Variants in NT5C3A observed in about 807,000 individuals in gnomAD.
NT5C3A encodes 5'-nucleotidase, cytosolic IIIA, also known as cytosolic 5'-nucleotidase 3A.
A neutral mutation model predicts 40.0 loss-of-function variants in NT5C3A; 23 were observed. The ratio of observed to expected loss-of-function variants is 0.58; its 90% confidence interval spans 0.41 to 0.81. The LOEUF (loss-of-function observed/expected upper bound fraction) is 0.81, where lower values mean the gene tolerates loss of function less well. NT5C3A is among the 40% of genes least tolerant of loss of function. The pLI, the probability that NT5C3A is intolerant of heterozygous loss-of-function variation, is 0.00. For missense variants in NT5C3A, 328 were observed against 403.0 expected, an observed-to-expected ratio of 0.81 and a Z score of 1.59; for synonymous variants, 130 against 141.4, an observed-to-expected ratio of 0.92 and a Z score of 0.57.
chr7:33,029,244 A>AT (rs11439369), intron 1 of NT5C3A: 109,093 of 153,796 alleles, frequency 0.71, 38,784 homozygotes, highest in African/African-American at 0.78. Context: ...ACTGGTTCCT[A>AT]TTTTTTTTTT....
intron 1 of NT5C3A, among the ~76,000 whole-genome samples, chr7:33,056,464 C>A (rs941473574): frequency 1.0e-5 from 1 of 98,910 alleles, no homozygotes; most frequent in Non-Finnish European, 1.8e-5. Flanking sequence ...AGTGAGACCC[C>A]GTCTCTACCA....
chr7:33,056,046 G>A (rs1008660238), intron 1 of NT5C3A, among the ~76,000 whole-genome samples: 1 of 152,134 alleles, frequency 6.6e-6, no homozygotes, highest in Non-Finnish European at 1.5e-5. Flanking sequence ...GGAGTTTGAG[G>A]CTACAGTGAG....
intron 5 of NT5C3A, 66 bp downstream of exon 5, chr7:33,021,206 C>A (rs1785607527): frequency 6.3e-7 from 1 of 1,593,646 alleles, no homozygotes; most frequent in African/African-American, 1.3e-5. Context: ...AATAAGCCAT[C>A]AGTTGTAACT....
intron 1 of NT5C3A, among the ~76,000 whole-genome samples, chr7:33,030,561 A>G (rs1786190784): frequency 6.6e-6 from 1 of 152,212 alleles, no homozygotes; most frequent in Admixed American, 6.5e-5. Context: ...GTAAAGCCGC[A>G]GCGTAAAATG....
chr7:33,039,019 G>T, intron 1 of NT5C3A: 1 of 410,106 alleles, frequency 2.4e-6, no homozygotes, highest in Non-Finnish European at 4.8e-6. Context: ...ATTACTTTGT[G>T]TGCTTTTTGT....
intron 1 of NT5C3A, among the ~76,000 whole-genome samples, chr7:33,056,354 T>A (rs12672785): frequency 1.3e-4 from 19 of 150,948 alleles, no homozygotes; most frequent in African/African-American, 3.7e-4. Flanking sequence ...TTTAAAAGTC[T>A]GTCCAGGTAT....
chr7:33,058,006 A>G (rs952349025), intron 1 of NT5C3A, among the ~76,000 whole-genome samples: 18 of 152,224 alleles, frequency 1.2e-4, no homozygotes, highest in Admixed American at 3.3e-4. Flanking sequence ...GAATAACTGA[A>G]TAAGATTAAG....
intron 7 of NT5C3A, among the ~76,000 whole-genome samples, chr7:33,017,019 C>A (rs1488333173): frequency 1.3e-5 from 2 of 151,684 alleles, no homozygotes; most frequent in Admixed American, 6.6e-5. Context: ...CCTATCTCTA[C>A]CAAAAATACA....
chr7:33,031,445 G>A (rs1483540884), intron 1 of NT5C3A, among the ~76,000 whole-genome samples: 3 of 151,830 alleles, frequency 2.0e-5, no homozygotes, highest in Non-Finnish European at 2.9e-5. Context: ...AAAATTAGCC[G>A]GGCATGGTGG....
In NT5C3A at chr7:33,022,114, C is replaced by A. The variant is rs1785660544; in HGVS notation, c.308-15G>T. 1.5e-6 allele frequency: 2 copies of A among 1,367,692 alleles called. No individual in the cohort carries two copies. Among genetic ancestry groups the A allele is most frequent in the Admixed American group, 3.4e-5 (2 of 59,178 alleles). 84.7% of individuals were successfully genotyped at this position (1,367,692 alleles called of 1,614,324 possible). On this transcript the variant is annotated splice_polypyrimidine_tract_variant and intron_variant, in intron 3 of 8. Transcript: ENST00000610140. ...GTCAATGATATCTAAAGATAGAAAGCAAAATAAGCATTAAAAGAAATACTC... is the reference window on the plus strand; with the variant it reads ...GTCAATGATATCTAAAGATAGAAAGAAAAATAAGCATTAAAAGAAATACTC...
intron 1 of NT5C3A, among the ~76,000 whole-genome samples, chr7:33,058,375 C>A (rs527890541): frequency 2.0e-5 from 3 of 151,918 alleles, no homozygotes; most frequent in African/African-American, 7.2e-5. Flanking sequence ...GAGATGACAT[C>A]CTGCTCTGTC....
Position 33,014,635 on chromosome 7 carries a change from G to T in NT5C3A, c.*95C>A, listed in dbSNP as rs1352433364. On this transcript the variant is annotated 3_prime_UTR_variant, in exon 9 of 9. Coordinates refer to ENST00000610140, the MANE Select transcript of NT5C3A (RefSeq NM_001002010.5). ...GTTATACAAAGGGAACACTTCGAGA[G>T]TAAGGATATATTATAAATAAGTCTC... The T allele has an allele frequency of 1.3e-6, 2 of 1,543,986 alleles. No homozygotes were observed. The highest frequency in any genetic ancestry group is 2.7e-5 in the African/African-American group (2 of 73,380).
At chr7:33,041,700 C>T (rs1786921539) in intron 1 of NT5C3A, among the ~76,000 whole-genome samples, 1 of 151,802 alleles carries the variant, frequency 6.6e-6, no homozygotes, top group African/African-American at 2.4e-5. Context: ...AAAGTTCCTG[C>T]CTGTTAAAAA....
chr7:33,049,200 A>C (rs184458754), intron 1 of NT5C3A, among the ~76,000 whole-genome samples: 1 of 152,336 alleles, frequency 6.6e-6, no homozygotes, highest in East Asian at 1.9e-4. Context: ...AATTATTATT[A>C]TTAGGCCTTA....
chr7:33,024,252 CT>C, intron 2 of NT5C3A, 144 bp from the exon 3 acceptor site: 1 of 661,182 alleles, frequency 1.5e-6, no homozygotes, highest in Non-Finnish European at 2.7e-6. Flanking sequence ...AACTTATTCT[CT>C]TTACATTGAA....
At chr7:33,031,523 G>T (rs1473130896) in intron 1 of NT5C3A, among the ~76,000 whole-genome samples, 1 of 151,668 alleles carries the variant, frequency 6.6e-6, no homozygotes. Context: ...GGAGGCAGAG[G>T]TTGCAGTGAG....
In NT5C3A at chr7:33,015,835, A is replaced by G. The variant is rs1785293799; in HGVS notation, c.729T>C (p.His243=). The change falls in exon 8 of 9, where the codon CAT becomes CAC. Residue 243 remains histidine (H), a synonymous_variant. Coordinates refer to ENST00000610140, the MANE Select transcript of NT5C3A (RefSeq NM_001002010.5). ...AGGCACCATCATGTTTGTTAAATACATGAATTAGTTCTCCTTTAAATCCTT... is the reference window on the plus strand; with the variant it reads ...AGGCACCATCATGTTTGTTAAATACGTGAATTAGTTCTCCTTTAAATCCTT... ...VLKGFKGELI[H]VFNKHDGALR... is the part of the protein sequence containing the mutation. 1 of 1,610,836 alleles carries G rather than the reference A, an allele frequency of 6.2e-7. No individual in the cohort carries two copies. Among genetic ancestry groups the G allele is most frequent in the African/African-American group, 1.3e-5 (1 of 74,976 alleles).
At chr7:33,023,081 T>C (rs1785718910) in intron 3 of NT5C3A, among the ~76,000 whole-genome samples, 1 of 151,846 alleles carries the variant, frequency 6.6e-6, no homozygotes, top group Admixed American at 6.6e-5. Flanking sequence ...GCCCAGCTAA[T>C]TTTTTATTTT....
intron 1 of NT5C3A, among the ~76,000 whole-genome samples, chr7:33,033,499 A>G (rs553566839): frequency 3.3e-5 from 5 of 152,346 alleles, no homozygotes; most frequent in Non-Finnish European, 4.4e-5. Flanking sequence ...TAAGAGATAT[A>G]TAAAATATAA....
Sources: gnomAD v4.1 joint callset for allele counts (sites outside exome capture counted in the v4.1 genomes callset) on GRCh38, gnomAD v4.1.1 for gene constraint, MANE v1.5 for transcripts, NCBI Gene and HGNC (gene_info 2026-07-23, HGNC 2026-07-21) for gene names.